Variants in CPA4 observed in about 807,000 individuals in gnomAD.
The protein encoded by CPA4 is carboxypeptidase A3.
In CPA4, 49 loss-of-function variants were observed where a neutral mutation model predicts 54.7. The observed-to-expected ratio is 0.90, with a 90% confidence interval of 0.71 to 1.14. The LOEUF is 1.14. CPA4 is among the 50% of genes most tolerant of loss of function. CPA4 has a pLI of 0.00. For synonymous variants in CPA4, 215 were observed against 206.8 expected (o/e 1.04, Z -0.34); for missense variants, 487 against 525.1 (o/e 0.93, Z 0.71).
intron 3 of CPA4, 124 bp from the exon 4 acceptor site, chr7:130,300,692 T>G (rs1347941792): frequency 1.6e-6 from 1 of 638,794 alleles, no homozygotes; most frequent in Non-Finnish European, 2.8e-6. Context: ...AACCTTGACA[T>G]TTGTGCTGCT....
At chr7:130,293,502 T>C (rs1277321793) in intron 1 of CPA4, 1 of 449,558 alleles carries the variant, frequency 2.2e-6, no homozygotes, top group Non-Finnish European at 4.0e-6. Flanking sequence ...TTCTGCCTAG[T>C]TCTTACTTAT....
intron 10 of CPA4, among the ~76,000 whole-genome samples, chr7:130,317,119 A>G (rs902472305): frequency 6.6e-6 from 1 of 152,188 alleles, no homozygotes; most frequent in African/African-American, 2.4e-5. Flanking sequence ...ATCTGGGCTC[A>G]AGCAATCCTC....
chr7:130,310,841 A>C lies in CPA4; in HGVS notation c.848A>C (p.Asn283Thr), dbSNP rs201774085. The C allele has an allele frequency of 6.2e-7, 1 of 1,614,224 alleles. No individual in the cohort carries two copies. Among genetic ancestry groups the C allele is most frequent in the East Asian group, 2.2e-5 (1 of 44,886 alleles). ...GAAGTGTACCATGGACCCCACGCCA[A>C]TTCGGAAGTGGAGGTGAAATCAGTG... Reference protein sequence around the residue: ...CSEVYHGPHANSEVEVKSVVD... With the variant: ...CSEVYHGPHATSEVEVKSVVD... The change falls in exon 9 of 11, where the codon AAT (asparagine) becomes ACT (threonine). Residue 283 changes from asparagine (N) to threonine (T), a missense_variant. By Grantham distance (65) the Asn-to-Thr change is moderately conservative (BLOSUM62 0). Transcript: ENST00000222482. The surrounding 1 kb of genome is among the most constrained non-coding windows in gnomAD (Gnocchi z 4.3).
chr7:130,308,056 A>G, intron 7 of CPA4: 1 of 506,244 alleles, frequency 2.0e-6, no homozygotes, highest in Non-Finnish European at 3.6e-6. Flanking sequence ...TTCAGGCAGT[A>G]TCTGACTGGT....
chr7:130,319,274 T>G (rs1352868067), intron 10 of CPA4, among the ~76,000 whole-genome samples: 1 of 152,218 alleles, frequency 6.6e-6, no homozygotes, highest in African/African-American at 2.4e-5. Flanking sequence ...TAACACAGTT[T>G]CATGTACTTT....
At chr7:130,314,059 C>G (rs75942238) in intron 10 of CPA4, among the ~76,000 whole-genome samples, 112 of 152,282 alleles carry the variant, frequency 7.4e-4, no homozygotes, top group African/African-American at 2.6e-3. Flanking sequence ...CCAGGGACAA[C>G]ACAGGTTGGG....
intron 1 of CPA4, among the ~76,000 whole-genome samples, chr7:130,294,756 T>C (rs1420821333): frequency 3.9e-5 from 6 of 152,220 alleles, no homozygotes; most frequent in African/African-American, 1.4e-4. Flanking sequence ...TCTCACGCCA[T>C]AGTAGGAAAC....
At chr7:130,311,037 G>C (rs776202693) in intron 9 of CPA4, 51 bp downstream of exon 9, 3 of 1,468,774 alleles carry the variant, frequency 2.0e-6, no homozygotes, top group Non-Finnish European at 2.9e-6. Flanking sequence ...GACCCTCCTG[G>C]CGCTGCTAAG....
intron 10 of CPA4, among the ~76,000 whole-genome samples, chr7:130,322,244 G>A (rs1223693652): frequency 6.6e-6 from 1 of 152,178 alleles, no homozygotes; most frequent in Non-Finnish European, 1.5e-5. Flanking sequence ...GACGGACACA[G>A]CGTTAGTAAT....
At chr7:130,312,608 AT>A (rs1235497343) in intron 10 of CPA4, among the ~76,000 whole-genome samples, 1 of 152,056 alleles carries the variant, frequency 6.6e-6, no homozygotes, top group Non-Finnish European at 1.5e-5. Flanking sequence ...ATGAGATCTG[AT>A]GGTTATTATA....
chr7:130,309,300 G>T (rs1277667663), intron 8 of CPA4, among the ~76,000 whole-genome samples: 2 of 151,618 alleles, frequency 1.3e-5, no homozygotes, highest in African/African-American at 4.8e-5. Context: ...CATACAAAAC[G>T]GGGAACCTTC....
At chr7:130,293,890 C>CGTGTGT (rs901651195) in intron 1 of CPA4, among the ~76,000 whole-genome samples, 1 of 151,746 alleles carries the variant, frequency 6.6e-6, no homozygotes, top group African/African-American at 2.4e-5. Flanking sequence ...TGTGTGTGCG[C>CGTGTGT]GTGTGTGTGT....
intron 8 of CPA4, 67 bp downstream of exon 8, chr7:130,308,464 G>C: frequency 7.6e-7 from 1 of 1,316,752 alleles, no homozygotes; most frequent in Non-Finnish European, 1.1e-6. Flanking sequence ...CCAGTGCTCT[G>C]AGCTGGCCGG....
Position 130,305,960 on chromosome 7 carries a change from C to T in CPA4, c.591+40C>T, listed in dbSNP as rs376601819. On this transcript the variant is annotated intron_variant, in intron 6 of 10. Coordinates refer to ENST00000222482, the MANE Select transcript of CPA4 (RefSeq NM_016352.4). The stretch of plus-strand genomic sequence containing the variant: ...TATTAGCCAGGAATGCTGATGGTGC[C>T]GGGGTGCCCCTGCAGCATGCCATGT... 47 of 1,519,538 alleles carry T rather than the reference C, an allele frequency of 3.1e-5. No individual in the cohort carries two copies. In the African/African-American group the frequency reaches 4.1e-4, roughly 13 times the overall value. The allele number at this position is 1,519,538 out of a possible 1,614,324, so 94.1% of individuals were successfully genotyped here. A position where few individuals can be genotyped will look rare whatever the true frequency, so the allele number is the denominator to read the frequency against.
At position 130,310,252 on chromosome 7, in the gene CPA4, A is replaced by G. The variant is rs1793890654; in HGVS notation, c.794-535A>G. 6.6e-6 allele frequency among the ~76,000 whole-genome samples: 1 copy of G among 152,154 alleles called. No homozygotes were observed. Among genetic ancestry groups the G allele is most frequent in the African/African-American group, 2.4e-5 (1 of 41,400 alleles). On this transcript the variant is annotated intron_variant, in intron 8 of 10. Transcript: ENST00000222482. This position sits in a 1 kb window ranked among gnomAD's most constrained non-coding sequence, Gnocchi z 4.3. ...CATTCATACACACACACACGCACAC[A>G]CACACGTATGCACGTGTGCACACAC...
At chr7:130,301,701 C>T (rs113152860) in intron 4 of CPA4, among the ~76,000 whole-genome samples, 2,653 of 152,244 alleles carry the variant, frequency 0.017, 87 homozygotes, top group African/African-American at 0.061. Context: ...TACTTTGAGT[C>T]GTTTCTCTTC....
At chr7:130,316,955 G>T (rs962473724) in intron 10 of CPA4, among the ~76,000 whole-genome samples, 9 of 151,454 alleles carry the variant, frequency 5.9e-5, no homozygotes, top group Non-Finnish European at 1.0e-4. Context: ...GGTGGGATTT[G>T]GGGGGTAGCA....
rs928873778 is a variant in CPA4 at position 130,299,474 on chromosome 7, G to A, written c.285+70G>A. The A allele has an allele frequency of 3.5e-6, 5 of 1,437,606 alleles. No homozygotes were observed. In the African/African-American group the frequency reaches 5.6e-5, roughly 16 times the overall value. 89.1% of individuals were successfully genotyped at this position (1,437,606 alleles called of 1,614,324 possible). On this transcript the variant is annotated intron_variant, in intron 3 of 10. Transcript: ENST00000222482. Reference sequence around the variant, plus strand: ...GGCAGCCAGTCCAGAGTAGACCGGAGTGATTTGCAAGTTCTGGTTTTATCC... The same window carrying A: ...GGCAGCCAGTCCAGAGTAGACCGGAATGATTTGCAAGTTCTGGTTTTATCC...
intron 1 of CPA4, among the ~76,000 whole-genome samples, chr7:130,296,622 G>A (rs538014950): frequency 6.8e-6 from 1 of 146,726 alleles, no homozygotes; most frequent in African/African-American, 2.5e-5. Flanking sequence ...TTTTACACAC[G>A]CTTAACTGTG....
Sources: gnomAD v4.1 joint callset for allele counts (sites outside exome capture counted in the v4.1 genomes callset) on GRCh38, gnomAD v4.1.1 for gene constraint, Gnocchi (gnomAD v3.1) non-coding constraint, MANE v1.5 for transcripts, NCBI Gene and HGNC (gene_info 2026-07-23, HGNC 2026-07-21) for gene names.